The following SLC44A5 variants were observed in gnomAD, a reference collection of about 807,000 sequenced individuals.
SLC44A5 encodes choline transporter-like protein 5.
In SLC44A5, 57 loss-of-function variants were observed where a neutral mutation model predicts 101.8. The observed-to-expected ratio is 0.56, with a 90% CI of 0.45 to 0.70. The LOEUF is 0.70. Among genes scored for constraint, SLC44A5 ranks in the 30% least tolerant of loss-of-function variants. The probability of loss-of-function intolerance (pLI) is 0.00; values close to 1 mark genes in which losing one functional copy is unlikely to be tolerated. For missense variants in SLC44A5, 737 were observed against 853.1 expected (o/e 0.86, Z 1.70); for synonymous variants, 281 against 290.9 (o/e 0.97, Z 0.35).
chr1:75,604,848 G>T (rs939818191), intron 1 of SLC44A5, among the ~76,000 whole-genome samples: 10 of 152,052 alleles, frequency 6.6e-5, no homozygotes, highest in African/African-American at 2.4e-4. Context: ...ATATGGTACT[G>T]ATTTTTGTAC....
At chr1:75,563,474 T>A (rs1305233244) in intron 1 of SLC44A5, among the ~76,000 whole-genome samples, 2 of 151,804 alleles carry the variant, frequency 1.3e-5, no homozygotes, top group Non-Finnish European at 2.9e-5. Flanking sequence ...AATTTTCTAC[T>A]GTATCATCCC....
At chr1:75,353,789 A>G (rs1658864260) in intron 3 of SLC44A5, among the ~76,000 whole-genome samples, 1 of 152,240 alleles carries the variant, frequency 6.6e-6, no homozygotes, top group South Asian at 2.1e-4. Flanking sequence ...GTCACAAGGC[A>G]GGATTAATAT....
intron 2 of SLC44A5, among the ~76,000 whole-genome samples, chr1:75,487,335 A>T (rs1202764644): frequency 1.3e-5 from 2 of 152,204 alleles, no homozygotes; most frequent in Non-Finnish European, 2.9e-5. Flanking sequence ...TACTTGGCTG[A>T]AACCTGATAT....
At chr1:75,358,314 C>T (rs1186087692) in intron 3 of SLC44A5, among the ~76,000 whole-genome samples, 3 of 152,076 alleles carry the variant, frequency 2.0e-5, no homozygotes, top group African/African-American at 7.2e-5. Context: ...GTGTGCATGC[C>T]ATATTTGGTA....
chr1:75,205,223 G>A (rs1188302298), intron 23 of SLC44A5: 1 of 152,168 alleles, frequency 6.6e-6, no homozygotes, highest in Non-Finnish European at 1.5e-5. Flanking sequence ...TACACTTGAA[G>A]ATAATTAATA....
At chr1:75,694,096 T>C in the SLC44A5 span, among the ~76,000 whole-genome samples, 1 of 150,458 alleles carries the variant, frequency 6.6e-6, no homozygotes, top group Non-Finnish European at 1.5e-5. Context: ...TATAAACAGA[T>C]GGAAATGACC....
chr1:75,481,328 C>A (rs1667831552), intron 2 of SLC44A5, among the ~76,000 whole-genome samples: 1 of 152,156 alleles, frequency 6.6e-6, no homozygotes, highest in Non-Finnish European at 1.5e-5. Context: ...CATTACCATT[C>A]AGGACATAGG....
At chr1:75,619,971 A>G in the SLC44A5 span, among the ~76,000 whole-genome samples, 13 of 152,182 alleles carry the variant, frequency 8.5e-5, no homozygotes, top group South Asian at 2.3e-3. Context: ...TCGTAATCCT[A>G]TCCCTCCCCT....
intron 3 of SLC44A5, among the ~76,000 whole-genome samples, chr1:75,387,946 T>C (rs1331771829): frequency 2.0e-5 from 3 of 148,378 alleles, no homozygotes. Flanking sequence ...TCATTCTCAG[T>C]AAACTATCGC....
intron 2 of SLC44A5, among the ~76,000 whole-genome samples, chr1:75,447,218 T>G (rs1436969992): frequency 6.6e-6 from 1 of 152,092 alleles, no homozygotes; most frequent in African/African-American, 2.4e-5. Flanking sequence ...AGTTGAAGTG[T>G]TGGGAGAGAA....
chr1:75,612,778 T>C (rs1270989431), upstream of SLC44A5, among the ~76,000 whole-genome samples: 4 of 152,264 alleles, frequency 2.6e-5, no homozygotes, highest in South Asian at 8.3e-4. Context: ...ACTTAAGTAA[T>C]TGAGCAAGAA....
At chr1:75,603,259 C>T (rs211693) in intron 1 of SLC44A5, among the ~76,000 whole-genome samples, 145,584 of 152,242 alleles carry the variant, frequency 0.96, 69,643 homozygotes, top group East Asian at 0.97. Context: ...CTGCATTAAT[C>T]CATTTAGGAT....
chr1:75,409,942 G>C (rs1360235021), intron 2 of SLC44A5, among the ~76,000 whole-genome samples: 2 of 151,998 alleles, frequency 1.3e-5, no homozygotes, highest in Non-Finnish European at 2.9e-5. Flanking sequence ...ATATATACTT[G>C]CAATACACAC....
At chr1:75,625,206 A>G in the SLC44A5 span, among the ~76,000 whole-genome samples, 1 of 152,222 alleles carries the variant, frequency 6.6e-6, no homozygotes, top group African/African-American at 2.4e-5. Flanking sequence ...CATGCCTTCT[A>G]CATTATGACT....
chr1:75,447,805 T>C (rs1239845514), intron 2 of SLC44A5, among the ~76,000 whole-genome samples: 1 of 152,170 alleles, frequency 6.6e-6, no homozygotes, highest in Non-Finnish European at 1.5e-5. Context: ...TTCATAGTTA[T>C]AGAAACAAAT....
rs140401931 is a variant in SLC44A5, at chr1:75,300,306, A to G, written c.175+306T>C. On this transcript the variant is annotated intron_variant, in intron 5 of 23. Transcript: ENST00000370859. The stretch of plus-strand genomic sequence containing the variant: ...CTTATTAGCAAAGAACAACATGAAC[A>G]TAATTAGTTGCTTATTAGAATTTCA... 7.5e-3 allele frequency among the ~76,000 whole-genome samples: 1,148 copies of G among 152,282 alleles called. 15 individuals carry two copies. Among genetic ancestry groups the G allele is most frequent in the South Asian group, 0.047 (227 of 4,832 alleles).
rs372852184 is a variant in SLC44A5, at chr1:75,219,856, T to C, written c.1122A>G (p.Pro374=). The C allele has an allele frequency of 3.7e-6, 6 of 1,612,522 alleles. No homozygotes were observed. The African/African-American group carries it at 8.0e-5, about 22-fold the overall frequency. Residue 374 remains proline, a synonymous_variant, in exon 15 of 24, where the codon CCA becomes CCG. Coordinates refer to ENST00000370859, the MANE Select transcript of SLC44A5 (RefSeq NM_001130058.2). ...IGYVPSTLVY[P]ALTFILLSIC... ...TTGAGAGCAAAATGAAAGTTAAAGC[T>C]GGATAGACTAATGTACTAGGAACAT...
chr1:75,391,253 A>T (rs889733268), intron 3 of SLC44A5, among the ~76,000 whole-genome samples: 4 of 152,196 alleles, frequency 2.6e-5, no homozygotes, highest in Non-Finnish European at 5.9e-5. Context: ...TGGAAGAATC[A>T]ATATTGTTTA....
chr1:75,312,927 T>C (rs1158122691), intron 4 of SLC44A5, among the ~76,000 whole-genome samples: 1 of 152,196 alleles, frequency 6.6e-6, no homozygotes, highest in Non-Finnish European at 1.5e-5. Flanking sequence ...CTGTTATTAA[T>C]ACATCACTTT....
Sources: gnomAD v4.1 joint callset for allele counts (sites outside exome capture counted in the v4.1 genomes callset) on GRCh38, gnomAD v4.1.1 for gene constraint, MANE v1.5 for transcripts, NCBI Gene and HGNC (gene_info 2026-07-23, HGNC 2026-07-21) for gene names.